The following GTF3C1 variants were observed in gnomAD, a reference collection of about 807,000 sequenced individuals.
GTF3C1 encodes general transcription factor IIIC subunit 1.
A neutral mutation model predicts 226.7 loss-of-function variants in GTF3C1; 57 were observed. That is an observed-to-expected ratio of 0.25 (90% CI 0.20 to 0.31). The LOEUF is 0.31. Among genes scored for constraint, GTF3C1 ranks in the 10% least tolerant of loss-of-function variants. The pLI is 1.00. For missense variants in GTF3C1, 2,217 were observed against 2,776.1 expected, an observed-to-expected ratio of 0.80 and a Z score of 4.53; for synonymous variants, 1,090 against 1,084.8, an observed-to-expected ratio of 1.00 and a Z score of -0.09.
At chr16:27,501,422 T>C in intron 11 of GTF3C1, 78 bp from the exon 12 acceptor site, 1 of 1,269,486 alleles carries the variant, frequency 7.9e-7, no homozygotes, top group Non-Finnish European at 1.1e-6. Flanking sequence ...AACACAGACA[T>C]GCCTCACGGT....
At chr16:27,499,784 G>T (rs142496087) in intron 12 of GTF3C1, among the ~76,000 whole-genome samples, 22 of 152,326 alleles carry the variant, frequency 1.4e-4, no homozygotes, top group Non-Finnish European at 1.3e-4. Flanking sequence ...GCAAGACACA[G>T]GAGCAAAGGC....
rs149867533 is a variant in GTF3C1, at chr16:27,526,897, G to T, written c.973+1701C>A. Among the ~76,000 whole-genome samples the T allele has an allele frequency of 2.2e-3, 340 of 152,312 alleles. 3 individuals carry two copies. The highest frequency in any genetic ancestry group is 7.2e-3 in the African/African-American group (301 of 41,566). ...TTAATCAGGAGGAGTAAAAAGGATG[G>T]GACAAAAATCAAGAATAGATAAAAA... On this transcript the variant is annotated intron_variant, in intron 6 of 36. Coordinates refer to ENST00000356183, the MANE Select transcript of GTF3C1 (RefSeq NM_001520.4).
At position 27,498,695 on chromosome 16, in the gene GTF3C1, G is replaced by T; in HGVS notation, c.2100C>A (p.Asp700Glu). Residue 700 changes from aspartate (D) to glutamate (E), a missense_variant, in exon 13 of 37, where the codon GAC becomes GAA. Transcript: ENST00000356183. ...LVVHPSMDQN[D>E]PLVRSAIEQV... ...GCTCGATGGCACTTCTCACTAGAGG[G>T]TCGTTCTGGTCCATGGACGGGTGCA... 1.9e-6 allele frequency: 3 copies of T among 1,605,456 alleles called. No homozygotes were observed. Among genetic ancestry groups the T allele is most frequent in the Non-Finnish European group, 2.6e-6 (3 of 1,172,066 alleles).
chr16:27,544,412 A>G (rs2089134145), intron 2 of GTF3C1, among the ~76,000 whole-genome samples: 1 of 151,626 alleles, frequency 6.6e-6, no homozygotes, highest in Non-Finnish European at 1.5e-5. Flanking sequence ...AATCAAGGAG[A>G]AAGATGAGCT....
intron 15 of GTF3C1, 69 bp downstream of exon 15, chr16:27,495,142 C>T (rs1450960353): frequency 8.4e-7 from 1 of 1,185,468 alleles, no homozygotes; most frequent in Non-Finnish European, 1.2e-6. Context: ...AAGGAACTAT[C>T]ATGTTTCTCC....
chr16:27,517,225 C>CTGTG (rs1294762926), intron 6 of GTF3C1, among the ~76,000 whole-genome samples: 1 of 152,212 alleles, frequency 6.6e-6, no homozygotes, highest in Non-Finnish European at 1.5e-5. Flanking sequence ...TCCACCAGCC[C>CTGTG]TGTGTGCCTT....
chr16:27,493,686 C>T (rs926839361), intron 16 of GTF3C1, among the ~76,000 whole-genome samples: 1 of 152,130 alleles, frequency 6.6e-6, no homozygotes, highest in Non-Finnish European at 1.5e-5. Context: ...ATGCTGGAGC[C>T]GCCAATCTAT....
chr16:27,494,997 G>C, intron 15 of GTF3C1, 89 bp from the exon 16 acceptor site: 1 of 1,180,250 alleles, frequency 8.5e-7, no homozygotes, highest in Non-Finnish European at 1.2e-6. Flanking sequence ...GGAGGTCTTG[G>C]TGTCTTTACC....
chr16:27,502,428 C>G (rs1596638293), intron 11 of GTF3C1, among the ~76,000 whole-genome samples: 1 of 152,306 alleles, frequency 6.6e-6, no homozygotes, highest in East Asian at 1.9e-4. Flanking sequence ...CTACTTGTGT[C>G]TCTTGTTTTT....
chr16:27,480,044 CA>C (rs1355966480), intron 27 of GTF3C1, among the ~76,000 whole-genome samples: 1 of 151,550 alleles, frequency 6.6e-6, no homozygotes, highest in African/African-American at 2.4e-5. Flanking sequence ...ACTAAAAATA[CA>C]AAAAAATTAG....
intron 1 of GTF3C1, among the ~76,000 whole-genome samples, chr16:27,546,485 T>TAA (rs1555505898): frequency 1.1e-5 from 1 of 88,610 alleles, no homozygotes; most frequent in South Asian, 3.1e-4. Context: ...TTTTTTTTTT[T>TAA]GAAAAAAAAA....
Position 27,509,154 on chromosome 16 carries a change from G to A in GTF3C1, c.1127-499C>T, listed in dbSNP as rs149858685. Among the ~76,000 whole-genome samples the A allele has an allele frequency of 3.4e-4, 52 of 152,298 alleles. 1 individual carries two copies. The highest frequency in any genetic ancestry group is 1.1e-3 in the African/African-American group (46 of 41,556). ...CACTGACTACTGCACTGTCCCATAA[G>A]AGTCGTGCAAGCGAGGACTTTGAAA... On this transcript the variant is annotated intron_variant, in intron 7 of 36. Coordinates refer to ENST00000356183, the MANE Select transcript of GTF3C1 (RefSeq NM_001520.4).
At chr16:27,536,490 G>A (rs922571153) in intron 4 of GTF3C1, among the ~76,000 whole-genome samples, 19 of 152,164 alleles carry the variant, frequency 1.2e-4, no homozygotes, top group Admixed American at 8.5e-4. Context: ...CCAGCTACTC[G>A]GGAGGCTGAG....
chr16:27,503,580 G>A (rs978667895), intron 10 of GTF3C1, among the ~76,000 whole-genome samples: 1 of 152,140 alleles, frequency 6.6e-6, no homozygotes, highest in Non-Finnish European at 1.5e-5. Context: ...GTTCAGAACA[G>A]GTTTCCTCGA....
At position 27,488,537 on chromosome 16, in the gene GTF3C1, A is replaced by T; in HGVS notation, c.3511+17T>A. On this transcript the variant is annotated intron_variant, in intron 22 of 36. Coordinates refer to ENST00000356183, the MANE Select transcript of GTF3C1 (RefSeq NM_001520.4). ...GGTACCATATTAACTTCTGGGGTGA[A>T]CTCCCAGCACACGTACCTCTGGCAC... The T allele has an allele frequency of 6.2e-7, 1 of 1,607,252 alleles. No homozygotes were observed. The highest frequency in any genetic ancestry group is 1.1e-5 in the South Asian group (1 of 90,924).
At chr16:27,485,899 G>T in intron 24 of GTF3C1, 98 bp downstream of exon 24, 1 of 713,502 alleles carries the variant, frequency 1.4e-6, no homozygotes, top group South Asian at 1.9e-5. Flanking sequence ...CAGAGCAGCT[G>T]AGAGGAGTGG....
rs1386794440 is a variant in GTF3C1 at position 27,538,301 on chromosome 16, T to C, written c.487A>G (p.Ile163Val). Residue 163 changes from isoleucine (I) to valine (V), a missense_variant, in exon 3 of 37, where the codon ATA becomes GTA. Physicochemically the swap from Ile to Val is conservative, Grantham distance 29. Around this residue, in one of 12 missense-constraint regions of GTF3C1, gnomAD observed 192 missense variants for 251.8 expected, o/e 0.76. Transcript: ENST00000356183. ...ASQAMRYRALIGQEGDPDLKL... is the reference protein window; with the variant it reads ...ASQAMRYRALVGQEGDPDLKL... ...AGGTCGGGATCCCCCTCCTGGCCTA[T>C]CAAGGCCCTGTACCGCATGGCCTGG... The C allele has an allele frequency of 2.5e-6, 4 of 1,605,810 alleles. No individual in the cohort carries two copies. Among genetic ancestry groups the C allele is most frequent in the Non-Finnish European group, 2.6e-6 (3 of 1,172,694 alleles).
Position 27,461,338 on chromosome 16 carries a change from C to T in GTF3C1, c.*12G>A. The T allele has an allele frequency of 6.4e-7, 1 of 1,566,220 alleles. No homozygotes were observed. ...GGCGGTGGCTGGGAGGGAGGGGACGCCCACAGGGGTCCTAGAGGTGGATCC... is the reference window on the plus strand; with the variant it reads ...GGCGGTGGCTGGGAGGGAGGGGACGTCCACAGGGGTCCTAGAGGTGGATCC... On this transcript the variant is annotated 3_prime_UTR_variant, in exon 37 of 37. Coordinates refer to ENST00000356183, the MANE Select transcript of GTF3C1 (RefSeq NM_001520.4). This position sits in a 1 kb window ranked among gnomAD's most constrained non-coding sequence, Gnocchi z 5.3.
intron 10 of GTF3C1, among the ~76,000 whole-genome samples, chr16:27,504,781 G>A (rs906998862): frequency 7.2e-5 from 11 of 152,156 alleles, no homozygotes; most frequent in Middle Eastern, 3.4e-3. Context: ...CAGGCGCAGT[G>A]GCATATGCTT....
Sources: allele counts gnomAD v4.1 joint callset (sites outside exome capture counted in the v4.1 genomes callset), GRCh38; gene constraint gnomAD v4.1.1; regional missense constraint gnomAD v4.1.1; non-coding constraint Gnocchi (gnomAD v3.1); transcripts MANE v1.5; gene names NCBI Gene and HGNC (gene_info 2026-07-23, HGNC 2026-07-21).